Variants in NIM1K observed in about 807,000 individuals in gnomAD.
NIM1K encodes serine/threonine-protein kinase NIM1.
NIM1K carries 35 observed loss-of-function variants against 37.1 expected under a neutral mutation model. That is an observed-to-expected ratio of 0.94 (90% CI 0.72 to 1.25). The LOEUF is 1.25. Among genes scored for constraint, NIM1K ranks in the 50% most tolerant of loss-of-function variants. The probability of loss-of-function intolerance (pLI) is 0.00; values close to 1 mark genes in which losing one functional copy is unlikely to be tolerated. For synonymous variants in NIM1K, 234 were observed against 206.6 expected (o/e 1.13, Z -1.14); for missense variants, 564 against 548.0 (o/e 1.03, Z -0.29).
chr5:43,233,822 C>A (rs1752578407), intron 1 of NIM1K, among the ~76,000 whole-genome samples: 1 of 152,194 alleles, frequency 6.6e-6, no homozygotes, highest in African/African-American at 2.4e-5. Flanking sequence ...TATTTCTGAG[C>A]AGATGAAGAA....
At chr5:43,250,406 T>G (rs1752851741) in intron 2 of NIM1K, among the ~76,000 whole-genome samples, 2 of 152,226 alleles carry the variant, frequency 1.3e-5, no homozygotes, top group Admixed American at 6.5e-5. Context: ...TTAATTATAA[T>G]GCTACAGAGA....
At position 43,234,243 on chromosome 5, in the gene NIM1K, T is replaced by TTCAC. The variant is rs1432213441; in HGVS notation, c.-694-10836_-694-10835insCTCA. ...CAGAGTTGTCATGTCGTGTCATTCT[T>TTCAC]TCATTCATTCATTCATTCATTCATT... On this transcript the variant is annotated intron_variant, in intron 1 of 3. Transcript: ENST00000326035. Among the ~76,000 whole-genome samples the TTCAC allele has an allele frequency of 5.2e-4, 3 of 5,768 alleles. No homozygotes were observed. In the Non-Finnish European group the frequency reaches 8.9e-3, roughly 17 times the overall value. 3.8% of individuals were successfully genotyped at this position (5,768 alleles called of 152,430 possible).
intron 2 of NIM1K, among the ~76,000 whole-genome samples, chr5:43,250,099 G>T (rs980066461): frequency 4.6e-5 from 7 of 151,646 alleles, no homozygotes; most frequent in Non-Finnish European, 7.4e-5. Context: ...TGATCTGCCC[G>T]CCTCGGCCTC....
At chr5:43,227,865 A>G (rs1752482240) in intron 1 of NIM1K, among the ~76,000 whole-genome samples, 1 of 152,160 alleles carries the variant, frequency 6.6e-6, no homozygotes, top group African/African-American at 2.4e-5. Flanking sequence ...AGGATCTCAG[A>G]AGGGCAGGGC....
At chr5:43,251,009 A>T (rs898737226) in intron 2 of NIM1K, among the ~76,000 whole-genome samples, 9 of 152,210 alleles carry the variant, frequency 5.9e-5, no homozygotes, top group African/African-American at 2.2e-4. Flanking sequence ...TGTAAAATAG[A>T]GATAATGATT....
At chr5:43,239,527 C>T (rs915179775) in intron 1 of NIM1K, among the ~76,000 whole-genome samples, 7 of 148,792 alleles carry the variant, frequency 4.7e-5, no homozygotes, top group Admixed American at 1.3e-4. Context: ...CGTGAGCCAC[C>T]GCGCCTGCTT....
intron 2 of NIM1K, among the ~76,000 whole-genome samples, chr5:43,266,403 C>T (rs1036577837): frequency 6.6e-6 from 1 of 152,180 alleles, no homozygotes; most frequent in African/African-American, 2.4e-5. Context: ...GCTCCATGGG[C>T]GTGGGACCCT....
chr5:43,242,287 C>T (rs1579975330), intron 1 of NIM1K, among the ~76,000 whole-genome samples: 1 of 151,950 alleles, frequency 6.6e-6, no homozygotes, highest in South Asian at 2.1e-4. Context: ...AATCCCAGGG[C>T]CTGAATAGAG....
chr5:43,204,081 G>GTTTTTTTTT (rs70994605), intron 1 of NIM1K, among the ~76,000 whole-genome samples: 6 of 85,384 alleles, frequency 7.0e-5, no homozygotes, highest in African/African-American at 9.5e-5. Context: ...AGTTCCAATG[G>GTTTTTTTTT]TTTTTTTTTT....
At chr5:43,237,780 T>C (rs1393551852) in intron 1 of NIM1K, among the ~76,000 whole-genome samples, 2 of 152,182 alleles carry the variant, frequency 1.3e-5, no homozygotes, top group African/African-American at 4.8e-5. Context: ...TCTTTTAGAT[T>C]TTTTCCTTCT....
At chr5:43,198,273 CTCTT>C (rs1314048367) in intron 1 of NIM1K, among the ~76,000 whole-genome samples, 2 of 134,926 alleles carry the variant, frequency 1.5e-5, no homozygotes, top group African/African-American at 2.8e-5. Context: ...CTTTCTTTCT[CTCTT>C]TCTCTCCTTT....
chr5:43,269,665 C>T (rs962931423), intron 2 of NIM1K, among the ~76,000 whole-genome samples: 1 of 151,940 alleles, frequency 6.6e-6, no homozygotes, highest in East Asian at 1.9e-4. Context: ...GTCACCCAGG[C>T]TGGAGTGCAG....
chr5:43,250,577 A>G (rs1752854423), intron 2 of NIM1K, among the ~76,000 whole-genome samples: 1 of 152,252 alleles, frequency 6.6e-6, no homozygotes, highest in Non-Finnish European at 1.5e-5. Context: ...ATCTATCTGT[A>G]ACTCAAATCT....
At chr5:43,254,105 T>C (rs187875407) in intron 2 of NIM1K, among the ~76,000 whole-genome samples, 4 of 152,342 alleles carry the variant, frequency 2.6e-5, no homozygotes, top group Admixed American at 2.6e-4. Flanking sequence ...GATGATGTTG[T>C]TCATCTCAAC....
At chr5:43,238,410 G>T (rs890326446) in intron 1 of NIM1K, among the ~76,000 whole-genome samples, 16 of 150,244 alleles carry the variant, frequency 1.1e-4, no homozygotes, top group Admixed American at 2.6e-4. Context: ...TTTTTTTTTT[G>T]TTTTTAGCAT....
At chr5:43,219,888 G>C (rs958004733) in intron 1 of NIM1K, among the ~76,000 whole-genome samples, 1 of 151,686 alleles carries the variant, frequency 6.6e-6, no homozygotes, top group African/African-American at 2.4e-5. Context: ...TACCAAACCC[G>C]GCTAATTTTT....
At chr5:43,198,207 C>CTTCTT (rs1281355308) in intron 1 of NIM1K, among the ~76,000 whole-genome samples, 25 of 48,906 alleles carry the variant, frequency 5.1e-4, no homozygotes, top group African/African-American at 2.0e-3. Flanking sequence ...TTCTTTCTTT[C>CTTCTT]TCTTTCTTTC....
At chr5:43,248,691 G>A (rs1215398546) in intron 2 of NIM1K, among the ~76,000 whole-genome samples, 1 of 151,984 alleles carries the variant, frequency 6.6e-6, no homozygotes, top group African/African-American at 2.4e-5. Flanking sequence ...TCCACAGTCA[G>A]CAAGCTGGAG....
rs542959817 is a variant in NIM1K at position 43,222,719 on chromosome 5, G to A, written c.-694-22363G>A. Reference sequence around the variant, plus strand: ...ACTGTACTCCAACCTGGGCGACAGAGTGAGCCTGTCCCTTAAAAAAAAAAG... The same window carrying A: ...ACTGTACTCCAACCTGGGCGACAGAATGAGCCTGTCCCTTAAAAAAAAAAG... On this transcript the variant is annotated intron_variant, in intron 1 of 3. Coordinates refer to ENST00000326035, the MANE Select transcript of NIM1K (RefSeq NM_153361.4). Among the ~76,000 whole-genome samples, 8 of 151,840 alleles carry A rather than the reference G, an allele frequency of 5.3e-5. No homozygotes were observed. In the East Asian group the frequency reaches 1.4e-3, roughly 26 times the overall value.
Sources: gnomAD v4.1 joint callset for allele counts (sites outside exome capture counted in the v4.1 genomes callset) on GRCh38, gnomAD v4.1.1 for gene constraint, MANE v1.5 for transcripts, NCBI Gene and HGNC (gene_info 2026-07-23, HGNC 2026-07-21) for gene names.